Variants in RASGRF2 observed in about 807,000 individuals in gnomAD.
RASGRF2 encodes ras-specific guanine nucleotide-releasing factor 2.
RASGRF2 carries 76 observed loss-of-function variants against 151.0 expected under a neutral mutation model. That is an observed-to-expected ratio of 0.50 (90% CI 0.42 to 0.61). The LOEUF (loss-of-function observed/expected upper bound fraction) is 0.61, where lower values mean the gene tolerates loss of function less well. Ranked by LOEUF, RASGRF2 falls within the 20% of genes least tolerant of loss-of-function variation. RASGRF2 has a pLI of 0.00. For missense variants in RASGRF2, 1,148 were observed against 1,564.6 expected, an observed-to-expected ratio of 0.73 and a Z score of 4.49; for synonymous variants, 504 against 566.5, an observed-to-expected ratio of 0.89 and a Z score of 1.57.
In RASGRF2 at chr5:81,215,431, C is replaced by T. The variant is rs532588928; in HGVS notation, c.3355-445C>T. Among the ~76,000 whole-genome samples, 15 of 152,050 alleles carry T rather than the reference C, an allele frequency of 9.9e-5. No individual in the cohort carries two copies. In the South Asian group the frequency reaches 1.0e-3, roughly 11 times the overall value. On this transcript the variant is annotated intron_variant, in intron 23 of 26. Coordinates refer to ENST00000265080, the MANE Select transcript of RASGRF2 (RefSeq NM_006909.3). Reference sequence around the variant, plus strand: ...GATTACAGGCATATGCCACCATACCCGACTAATTTTTGTACTTTCAATAGA... The same window carrying T: ...GATTACAGGCATATGCCACCATACCTGACTAATTTTTGTACTTTCAATAGA...
Position 81,007,631 on chromosome 5 carries a change from G to T in RASGRF2, c.289-35246G>T, listed in dbSNP as rs555265799. Among the ~76,000 whole-genome samples the T allele has an allele frequency of 4.6e-5, 7 of 152,170 alleles. No individual in the cohort carries two copies. The South Asian group carries it at 1.2e-3, about 27-fold the overall frequency. On this transcript the variant is annotated intron_variant, in intron 1 of 26. Transcript: ENST00000265080. The stretch of plus-strand genomic sequence containing the variant: ...ACGCCAACAAACTCAACTTTCTCAG[G>T]GTGGTCCTTGCATTTATGGTAAATA...
intron 17 of RASGRF2, among the ~76,000 whole-genome samples, chr5:81,162,783 C>T (rs1048065979): frequency 2.6e-5 from 4 of 152,206 alleles, no homozygotes; most frequent in Admixed American, 2.0e-4. Flanking sequence ...TTCCTGAGCA[C>T]TGGGTGTTTG....
chr5:81,222,303 C>T (rs915083664), intron 26 of RASGRF2, among the ~76,000 whole-genome samples: 1 of 152,192 alleles, frequency 6.6e-6, no homozygotes, highest in Non-Finnish European at 1.5e-5. Flanking sequence ...GCCCTCTCCC[C>T]ACATTTGCTT....
chr5:81,024,248 AATTT>A (rs1362262244), intron 1 of RASGRF2, among the ~76,000 whole-genome samples: 3 of 95,928 alleles, frequency 3.1e-5, no homozygotes, highest in African/African-American at 1.4e-4. Flanking sequence ...GTATTCATAT[AATTT>A]TTTTTTTTTT....
At chr5:81,174,507 GTGTT>G (rs1373913050) in intron 17 of RASGRF2, among the ~76,000 whole-genome samples, 3 of 152,154 alleles carry the variant, frequency 2.0e-5, no homozygotes, top group South Asian at 2.1e-4. Flanking sequence ...AATGAAGAGA[GTGTT>G]TGGCGACAGA....
chr5:81,113,735 C>A lies in RASGRF2; in HGVS notation c.2285C>A (p.Thr762Asn), dbSNP rs751783121. The A allele has an allele frequency of 6.2e-7, 1 of 1,614,008 alleles. No individual in the cohort carries two copies. ...NSKIGALDLTTSSSPTTTTQS... is the reference protein window; with the variant it reads ...NSKIGALDLTNSSSPTTTTQS... ...AAGATAGGAGCATTGGACCTGACAA[C>A]TTCCAGCAGTCCCACCACCACCACC... Residue 762 changes from threonine (T) to asparagine (N), a missense_variant, in exon 15 of 27, where the codon ACT (threonine) becomes AAT (asparagine). Physicochemically the swap from Thr to Asn is moderately conservative, Grantham distance 65. Transcript: ENST00000265080.
chr5:81,057,730 C>T (rs1319490557), intron 2 of RASGRF2, among the ~76,000 whole-genome samples: 5 of 152,190 alleles, frequency 3.3e-5, no homozygotes, highest in South Asian at 2.1e-4. Flanking sequence ...CACAGTGGCT[C>T]GTGCCTATAA....
intron 26 of RASGRF2, chr5:81,223,611 A>C (rs1415497856): frequency 6.6e-6 from 1 of 152,188 alleles, no homozygotes; most frequent in African/African-American, 2.4e-5. Context: ...ACTGCACTCC[A>C]GCCTGGGCGA....
At position 80,985,541 on chromosome 5, in the gene RASGRF2, C is replaced by A. The variant is rs555346241; in HGVS notation, c.288+24515C>A. ...AAGAGCATTAGCCCCAGAGATTAGT[C>A]ACGTGTTGCAAACAAATTGTTTTGG... On this transcript the variant is annotated intron_variant, in intron 1 of 26. Coordinates refer to ENST00000265080, the MANE Select transcript of RASGRF2 (RefSeq NM_006909.3). Among the ~76,000 whole-genome samples the A allele has an allele frequency of 8.5e-5, 13 of 152,246 alleles. No homozygotes were observed. In the South Asian group the frequency reaches 2.7e-3, roughly 32 times the overall value.
At chr5:80,984,151 C>G (rs1210736148) in intron 1 of RASGRF2, among the ~76,000 whole-genome samples, 2 of 152,184 alleles carry the variant, frequency 1.3e-5, no homozygotes, top group Non-Finnish European at 1.5e-5. Flanking sequence ...ACCTCTGCCT[C>G]CCAGATTCAA....
intron 15 of RASGRF2, among the ~76,000 whole-genome samples, chr5:81,115,586 G>T (rs116425078): frequency 6.6e-6 from 1 of 152,194 alleles, no homozygotes; most frequent in Non-Finnish European, 1.5e-5. Context: ...GAGATAAGTC[G>T]GGATTCTCTC....
chr5:81,053,604 A>G (rs749572542), intron 2 of RASGRF2, among the ~76,000 whole-genome samples: 7 of 152,114 alleles, frequency 4.6e-5, no homozygotes, highest in Non-Finnish European at 8.8e-5. Flanking sequence ...ATGTGTCTTT[A>G]TAGCAGTATG....
At chr5:81,205,825 A>C (rs1755492980) in intron 19 of RASGRF2, among the ~76,000 whole-genome samples, 1 of 152,074 alleles carries the variant, frequency 6.6e-6, no homozygotes, top group African/African-American at 2.4e-5. Context: ...ATCTCGGCTC[A>C]CTGCAAGCTC....
chr5:81,218,237 T>A (rs1755787342), intron 25 of RASGRF2, among the ~76,000 whole-genome samples: 1 of 152,208 alleles, frequency 6.6e-6, no homozygotes, highest in Non-Finnish European at 1.5e-5. Context: ...CGATGTGGGC[T>A]GATTGAGGAG....
At chr5:81,058,694 T>G (rs900663981) in intron 2 of RASGRF2, among the ~76,000 whole-genome samples, 1 of 148,952 alleles carries the variant, frequency 6.7e-6, no homozygotes, top group Non-Finnish European at 1.5e-5. Flanking sequence ...TCCCAGCTAC[T>G]TGAGAGGCTG....
intron 19 of RASGRF2, among the ~76,000 whole-genome samples, chr5:81,205,757 T>C (rs1357391269): frequency 6.6e-6 from 1 of 152,194 alleles, no homozygotes. Flanking sequence ...TTATTTTATT[T>C]ATTTATTTTT....
At chr5:81,216,277 A>G (rs1755733159) in intron 24 of RASGRF2, among the ~76,000 whole-genome samples, 2 of 151,716 alleles carry the variant, frequency 1.3e-5, no homozygotes, top group South Asian at 4.2e-4. Context: ...ATTTCCTGTG[A>G]GTTTTATTTA....
rs144038719 is a variant in RASGRF2 at position 81,001,005 on chromosome 5, T to C, written c.288+39979T>C. On this transcript the variant is annotated intron_variant, in intron 1 of 26. Coordinates refer to ENST00000265080, the MANE Select transcript of RASGRF2 (RefSeq NM_006909.3). ...AATGCAGTCTCAAATGATTAATATATTTCCTCATTTACTGTTTAGATAGAT... is the reference window on the plus strand; with the variant it reads ...AATGCAGTCTCAAATGATTAATATACTTCCTCATTTACTGTTTAGATAGAT... Among the ~76,000 whole-genome samples, 1,034 of 152,342 alleles carry C rather than the reference T, an allele frequency of 6.8e-3. 7 individuals are homozygous for C. The highest frequency in any genetic ancestry group is 0.023 in the African/African-American group (956 of 41,570).
At chr5:80,996,504 C>CTTCTTCTTCTTCTTCTTCTT (rs56180832) in intron 1 of RASGRF2, among the ~76,000 whole-genome samples, 1 of 50,224 alleles carries the variant, frequency 2.0e-5, no homozygotes, top group African/African-American at 7.8e-5. Flanking sequence ...TCTTCTTCTT[C>CTTCTTCTTCTTCTTCTTCTT]CTCCTCCTCC....
Sources: allele counts gnomAD v4.1 joint callset (sites outside exome capture counted in the v4.1 genomes callset), GRCh38; gene constraint gnomAD v4.1.1; transcripts MANE v1.5; gene names NCBI Gene and HGNC (gene_info 2026-07-23, HGNC 2026-07-21).